Variants in CNTN4 observed in about 807,000 individuals in gnomAD.
CNTN4 encodes the protein contactin 4.
A neutral mutation model predicts 122.5 loss-of-function variants in CNTN4; 77 were observed. That is an observed-to-expected ratio of 0.63 (90% CI 0.52 to 0.76). The LOEUF is 0.76. CNTN4 is among the 30% of genes least tolerant of loss of function. The pLI, the probability that CNTN4 is intolerant of heterozygous loss-of-function variation, is 0.00. For missense variants in CNTN4, 1,256 were observed against 1,259.1 expected, an observed-to-expected ratio of 1.00 and a Z score of 0.04; for synonymous variants, 512 against 447.0, an observed-to-expected ratio of 1.15 and a Z score of -1.83.
intron 4 of CNTN4, among the ~76,000 whole-genome samples, chr3:2,670,227 A>G (rs1429011012): frequency 6.6e-6 from 1 of 152,198 alleles, no homozygotes; most frequent in Non-Finnish European, 1.5e-5. Context: ...GTGGGAGTCT[A>G]AGTCCCTTTG....
intron 2 of CNTN4, among the ~76,000 whole-genome samples, chr3:2,175,316 T>C (rs1355612218): frequency 6.6e-6 from 1 of 152,118 alleles, no homozygotes; most frequent in Non-Finnish European, 1.5e-5. Flanking sequence ...CTAGCTTGTT[T>C]TTCCTAAACA....
chr3:2,949,657 C>G (rs573869516), intron 13 of CNTN4, among the ~76,000 whole-genome samples: 1 of 152,214 alleles, frequency 6.6e-6, no homozygotes, highest in Non-Finnish European at 1.5e-5. Context: ...ATTCTACTCT[C>G]TAGACCCCCA....
intron 3 of CNTN4, among the ~76,000 whole-genome samples, chr3:2,427,123 G>A (rs1449913458): frequency 6.6e-6 from 1 of 152,058 alleles, no homozygotes; most frequent in African/African-American, 2.4e-5. Flanking sequence ...GCTTTTGAAT[G>A]TGTTTTCTCT....
chr3:2,722,552 T>G (rs2087928571), intron 4 of CNTN4, among the ~76,000 whole-genome samples: 1 of 152,138 alleles, frequency 6.6e-6, no homozygotes, highest in Non-Finnish European at 1.5e-5. Context: ...GATGACTTAT[T>G]CAAAAGACCC....
At chr3:2,227,680 T>G (rs1044646107) in intron 2 of CNTN4, among the ~76,000 whole-genome samples, 2 of 152,130 alleles carry the variant, frequency 1.3e-5, no homozygotes, top group African/African-American at 4.8e-5. Context: ...TAAGATTTTA[T>G]TTGTAGTGTA....
chr3:2,528,449 C>T (rs13076110), intron 3 of CNTN4, among the ~76,000 whole-genome samples: 107 of 152,008 alleles, frequency 7.0e-4, no homozygotes, highest in Middle Eastern at 3.2e-3. Flanking sequence ...TCAAATCATT[C>T]CCATTAAAAC....
chr3:2,102,731 G>A (rs1366896982), intron 2 of CNTN4, among the ~76,000 whole-genome samples: 1 of 152,132 alleles, frequency 6.6e-6, no homozygotes, highest in Non-Finnish European at 1.5e-5. Flanking sequence ...GCATTGTGCT[G>A]GCCAGAACCC....
intron 2 of CNTN4, among the ~76,000 whole-genome samples, chr3:2,114,831 G>A (rs2033228746): frequency 6.6e-6 from 1 of 152,136 alleles, no homozygotes; most frequent in South Asian, 2.1e-4. Context: ...TATATTTTCT[G>A]GCATCATTCC....
rs190897308 is a variant in CNTN4, at chr3:2,823,787, C to A, written c.454+4206C>A. The stretch of plus-strand genomic sequence containing the variant: ...TATTCCTCAATAAAATCCTCACAAA[C>A]TGTTCATCAAGAGAGGTTTTTGTTC... On this transcript the variant is annotated intron_variant, in intron 7 of 24. Coordinates refer to ENST00000418658, the MANE Select transcript of CNTN4 (RefSeq NM_175607.3). Among the ~76,000 whole-genome samples the A allele has an allele frequency of 1.0e-3, 157 of 152,272 alleles. 2 individuals are homozygous for A. The highest frequency in any genetic ancestry group is 3.7e-3 in the African/African-American group (155 of 41,550).
At chr3:2,986,381 G>A (rs749275897) in intron 13 of CNTN4, among the ~76,000 whole-genome samples, 2 of 152,194 alleles carry the variant, frequency 1.3e-5, no homozygotes, top group Non-Finnish European at 2.9e-5. Context: ...AGAAAGTTAA[G>A]TAAGTTGTCT....
chr3:2,606,371 A>G (rs1313855346), intron 4 of CNTN4, among the ~76,000 whole-genome samples: 2 of 152,174 alleles, frequency 1.3e-5, no homozygotes, highest in Non-Finnish European at 2.9e-5. Context: ...GCATCAGGAA[A>G]AACAGCTAAC....
At chr3:2,440,689 C>T (rs953219406) in intron 3 of CNTN4, among the ~76,000 whole-genome samples, 36 of 151,000 alleles carry the variant, frequency 2.4e-4, no homozygotes, top group Middle Eastern at 3.6e-3. Flanking sequence ...CACACATATA[C>T]GTATATATAT....
chr3:2,816,552 G>A (rs1472564094), intron 6 of CNTN4, among the ~76,000 whole-genome samples: 1 of 151,664 alleles, frequency 6.6e-6, no homozygotes, highest in Non-Finnish European at 1.5e-5. Context: ...GCTGGACACG[G>A]TGACTCATGC....
chr3:2,977,263 G>C (rs1358499389), intron 13 of CNTN4, among the ~76,000 whole-genome samples: 1 of 152,190 alleles, frequency 6.6e-6, no homozygotes, highest in Admixed American at 6.5e-5. Context: ...TTTTGGTGTA[G>C]ATCCTCCTCT....
chr3:2,199,091 G>A (rs533391780), intron 2 of CNTN4, among the ~76,000 whole-genome samples: 2 of 152,178 alleles, frequency 1.3e-5, no homozygotes, highest in Non-Finnish European at 2.9e-5. Flanking sequence ...TTAGCTCATT[G>A]TCTCTAGCTG....
At chr3:2,412,483 C>T (rs191120543) in intron 3 of CNTN4, among the ~76,000 whole-genome samples, 1 of 152,190 alleles carries the variant, frequency 6.6e-6, no homozygotes, top group East Asian at 1.9e-4. Flanking sequence ...AAACTCCTGA[C>T]CTCAGGTGAT....
At chr3:2,617,623 A>G (rs988069688) in intron 4 of CNTN4, among the ~76,000 whole-genome samples, 2 of 152,000 alleles carry the variant, frequency 1.3e-5, no homozygotes, top group East Asian at 1.9e-4. Flanking sequence ...GAGTTTCACA[A>G]TGTTGGCCAT....
At chr3:2,546,781 G>A (rs1455804563) in intron 3 of CNTN4, among the ~76,000 whole-genome samples, 1 of 152,134 alleles carries the variant, frequency 6.6e-6, no homozygotes, top group Non-Finnish European at 1.5e-5. Flanking sequence ...AGAAGAAGAA[G>A]AAATGGCCAT....
intron 3 of CNTN4, among the ~76,000 whole-genome samples, chr3:2,546,398 A>G (rs928873110): frequency 6.6e-6 from 1 of 152,032 alleles, no homozygotes; most frequent in Non-Finnish European, 1.5e-5. Context: ...TCCTAATCAA[A>G]CTAATTGCAG....
Sources: allele counts gnomAD v4.1 joint callset (sites outside exome capture counted in the v4.1 genomes callset), GRCh38; gene constraint gnomAD v4.1.1; transcripts MANE v1.5; gene names NCBI Gene and HGNC (gene_info 2026-07-23, HGNC 2026-07-21).